BCAN: variants seen among roughly 807,000 people sequenced by gnomAD.
BCAN encodes the protein brevican.
BCAN carries 51 observed loss-of-function variants against 92.4 expected under a neutral mutation model. The observed-to-expected ratio is 0.55, with a 90% CI of 0.44 to 0.70. BCAN has a LOEUF of 0.70. Ranked by LOEUF, BCAN falls within the 30% of genes least tolerant of loss-of-function variation. The pLI, the probability that BCAN is intolerant of heterozygous loss-of-function variation, is 0.00. For missense variants in BCAN, 1,140 were observed against 1,212.1 expected, an observed-to-expected ratio of 0.94 and a Z score of 0.88; for synonymous variants, 501 against 505.2, an observed-to-expected ratio of 0.99 and a Z score of 0.11.
At position 156,657,029 on chromosome 1, in the gene BCAN, C is replaced by A; in HGVS notation, c.2142C>A (p.Thr714=). 1 of 1,614,196 alleles carries A rather than the reference C, an allele frequency of 6.2e-7. No individual in the cohort carries two copies. Among genetic ancestry groups the A allele is most frequent in the Non-Finnish European group, 8.5e-7 (1 of 1,180,006 alleles). The change falls in exon 10 of 14, where the codon ACC becomes ACA. Residue 714 remains threonine, a synonymous_variant. Transcript: ENST00000329117. ...STRRSWEEAE[T]QCRMYGAHLA... ...GAAGGAGCTGGGAGGAGGCAGAGACCCAGTGCCGGATGTACGGCGCGCATC... is the reference window on the plus strand; with the variant it reads ...GAAGGAGCTGGGAGGAGGCAGAGACACAGTGCCGGATGTACGGCGCGCATC...
chr1:156,646,224 A>T, intron 2 of BCAN, 79 bp downstream of exon 2: 14 of 1,381,480 alleles, frequency 1.0e-5, no homozygotes, highest in Non-Finnish European at 1.1e-5. Context: ...GGGCCCCAGG[A>T]AGAGAGAGAA....
chr1:156,658,004 C>A lies in BCAN; in HGVS notation c.2293-123C>A. 2 of 1,166,314 alleles carry A rather than the reference C, an allele frequency of 1.7e-6. No homozygotes were observed. Among genetic ancestry groups the A allele is most frequent in the South Asian group, 3.1e-5 (2 of 64,742 alleles). 72.2% of individuals were successfully genotyped at this position (1,166,314 alleles called of 1,614,324 possible). ...TTCCCCTTCCCCGGGAGATCCCCTA[C>A]CCCCTAGCCCTAACCTTCCCTCTCC... On this transcript the variant is annotated intron_variant, in intron 11 of 13. Coordinates refer to ENST00000329117, the MANE Select transcript of BCAN (RefSeq NM_021948.5). This position sits in a 1 kb window ranked among gnomAD's most constrained non-coding sequence, Gnocchi z 4.4.
chr1:156,659,048 G>A lies in BCAN; in HGVS notation c.2650G>A (p.Glu884Lys), dbSNP rs764771814. Residue 884 changes from glutamate to lysine, a missense_variant, in exon 14 of 14, where the codon GAG becomes AAG. Physicochemically the swap from Glu to Lys is moderately conservative, Grantham distance 56. Transcript: ENST00000329117. ...CCAGGCCCGAGCTCTGCACCCAGAG[G>A]AGGACCCAGAAGGACGTCAGGGGAG... is the stretch of plus-strand genomic sequence containing the variant. ...RRPARALHPEEDPEGRQGRLL... is the reference protein window; with the variant it reads ...RRPARALHPEKDPEGRQGRLL... The A allele has an allele frequency of 6.9e-6, 11 of 1,601,548 alleles. No homozygotes were observed. Among genetic ancestry groups the A allele is most frequent in the Admixed American group, 1.7e-5 (1 of 57,346 alleles).
At chr1:156,655,349 G>A (rs1485188736) in intron 8 of BCAN, among the ~76,000 whole-genome samples, 1 of 152,206 alleles carries the variant, frequency 6.6e-6, no homozygotes, top group Non-Finnish European at 1.5e-5. Context: ...AGACCTTCAG[G>A]GCAGTGTGTT....
In BCAN at chr1:156,646,806, C is replaced by A. The variant is rs1027264628; in HGVS notation, c.97C>A (p.Arg33Ser). 1 of 1,560,914 alleles carries A rather than the reference C, an allele frequency of 6.4e-7. No individual in the cohort carries two copies. Among genetic ancestry groups the A allele is most frequent in the Non-Finnish European group, 8.7e-7 (1 of 1,153,546 alleles). Residue 33 changes from arginine (R) to serine (S), a missense_variant, in exon 3 of 14, where the codon CGC (arginine) becomes AGC (serine). Transcript: ENST00000329117. ...CCGGCTCCACCCGTTCACAGAGGACCGCGCTTTTCGCGTGCGCATCGCGGG... is the reference window on the plus strand; with the variant it reads ...CCGGCTCCACCCGTTCACAGAGGACAGCGCTTTTCGCGTGCGCATCGCGGG... ...DVLEGDSSED[R>S]AFRVRIAGDA...
At position 156,652,335 on chromosome 1, in the gene BCAN, A is replaced by C. The variant is rs1170950464; in HGVS notation, c.1385A>C (p.Glu462Ala). The change falls in exon 8 of 14, where the codon GAA becomes GCA. Residue 462 changes from glutamate to alanine, a missense_variant. Glu to Ala is a moderately radical substitution (Grantham distance 107). Transcript: ENST00000329117. The stretch of plus-strand genomic sequence containing the variant: ...GAGGAAGAAGAGAAATATGAAGATG[A>C]AGAAGAGAAAGAGGAGGAAGAAGAA... Reference protein sequence around the residue: ...ALEEEEKYEDEEEKEEEEEEE... With the variant: ...ALEEEEKYEDAEEKEEEEEEE... 2 of 1,614,094 alleles carry C rather than the reference A, an allele frequency of 1.2e-6. No homozygotes were observed. Among genetic ancestry groups the C allele is most frequent in the Admixed American group, 1.7e-5 (1 of 60,026 alleles).
chr1:156,654,505 T>TCC (rs1175362577), intron 8 of BCAN, among the ~76,000 whole-genome samples: 18 of 152,184 alleles, frequency 1.2e-4, no homozygotes, highest in Admixed American at 8.5e-4. Context: ...GGGAAAACTT[T>TCC]CTGGTTGTGT....
chr1:156,645,795 A>T (rs944013489), intron 1 of BCAN, among the ~76,000 whole-genome samples: 1 of 152,172 alleles, frequency 6.6e-6, no homozygotes, highest in African/African-American at 2.4e-5. Flanking sequence ...TAAGTAAGAA[A>T]ATAAAGGCTC....
intron 1 of BCAN, among the ~76,000 whole-genome samples, chr1:156,645,178 C>G (rs531385465): frequency 2.6e-5 from 4 of 152,176 alleles, no homozygotes; most frequent in South Asian, 4.1e-4. Context: ...ATTCTCCCCC[C>G]CCTTAGTCCA....
At position 156,658,731 on chromosome 1, in the gene BCAN, C is replaced by A; in HGVS notation, c.2626C>A (p.Pro876Thr). 1 of 1,613,934 alleles carries A rather than the reference C, an allele frequency of 6.2e-7. No homozygotes were observed. Residue 876 changes from proline to threonine, a missense_variant and splice_region_variant, in exon 13 of 14, where the codon CCT (proline) becomes ACT (threonine). This residue lies in a region of BCAN where 825 missense variants were observed against 871.8 expected (regional missense o/e 0.95). Coordinates refer to ENST00000329117, the MANE Select transcript of BCAN (RefSeq NM_021948.5). The surrounding 1 kb of genome is among the most constrained non-coding windows in gnomAD (Gnocchi z 4.4). ...CCAGATCTCCTGTGTGCCCAGAAGACCTGTGAGTGCCAGGAAGAGGCAGGT... is the reference window on the plus strand; with the variant it reads ...CCAGATCTCCTGTGTGCCCAGAAGAACTGTGAGTGCCAGGAAGAGGCAGGT... ...APQISCVPRR[P>T]ARALHPEEDP...
At chr1:156,656,887 C>G (rs749442182) in intron 9 of BCAN, 51 bp from the exon 10 acceptor site, 2 of 1,594,336 alleles carry the variant, frequency 1.3e-6, no homozygotes, top group Non-Finnish European at 1.7e-6. Context: ...TCCAGGGGAC[C>G]TGGCCCTCTG....
In BCAN at chr1:156,648,645, G is replaced by A. The variant is rs368547815; in HGVS notation, c.847G>A (p.Glu283Lys). Residue 283 changes from glutamate (E) to lysine (K), a missense_variant, in exon 6 of 14, where the codon GAG (glutamate) becomes AAG (lysine). Around this residue, in one of 3 missense-constraint regions of BCAN, gnomAD observed 825 missense variants for 871.8 expected, o/e 0.95. Coordinates refer to ENST00000329117, the MANE Select transcript of BCAN (RefSeq NM_021948.5). ...ARAYCQERGA[E>K]IATTGQLYAA... ...GGCGTACTGCCAGGAGCGGGGTGCA[G>A]AGATTGCCACCACGGGCCAACTGTA... 1 of 1,613,112 alleles carries A rather than the reference G, an allele frequency of 6.2e-7. No homozygotes were observed.
chr1:156,644,183 T>C (rs1442574462), intron 1 of BCAN: 2 of 152,308 alleles, frequency 1.3e-5, no homozygotes, highest in Non-Finnish European at 2.9e-5. Flanking sequence ...TAGGTCCTCA[T>C]TGGCCTTAGG....
chr1:156,656,626 C>T (rs1296316416), intron 9 of BCAN: 4 of 478,362 alleles, frequency 8.4e-6, no homozygotes, highest in Non-Finnish European at 1.5e-5. Context: ...GGCATTTAAT[C>T]GGTGGTCAAT....
chr1:156,646,653 C>T, intron 2 of BCAN, 148 bp from the exon 3 acceptor site: 1 of 577,386 alleles, frequency 1.7e-6, no homozygotes, highest in Non-Finnish European at 2.3e-6. Context: ...CTGCAGGACC[C>T]TGGCCCCTGG....
chr1:156,649,820 G>T (rs186564250), intron 6 of BCAN: 1 of 515,674 alleles, frequency 1.9e-6, no homozygotes, highest in East Asian at 5.5e-5. Flanking sequence ...GCGGTGTCTC[G>T]GTCCTTCCCC....
intron 8 of BCAN, chr1:156,653,307 ATC>A (rs1400556089): frequency 5.7e-5 from 61 of 1,077,348 alleles, no homozygotes; most frequent in Non-Finnish European, 6.5e-5. Context: ...CCTCCTATTG[ATC>A]TCAGGGAAGC....
chr1:156,650,884 A>G (rs1211328558), intron 6 of BCAN, among the ~76,000 whole-genome samples: 1 of 152,226 alleles, frequency 6.6e-6, no homozygotes, highest in Non-Finnish European at 1.5e-5. Flanking sequence ...CGAAGGTTGC[A>G]ATGAGCTGGG....
At chr1:156,645,449 G>T (rs765743130) in intron 1 of BCAN, among the ~76,000 whole-genome samples, 2 of 152,128 alleles carry the variant, frequency 1.3e-5, no homozygotes, top group African/African-American at 4.8e-5. Context: ...GGAGAGGGTG[G>T]GCTCAGGAGA....
Sources: gnomAD v4.1 joint callset for allele counts (sites outside exome capture counted in the v4.1 genomes callset) on GRCh38, gnomAD v4.1.1 for gene constraint, gnomAD v4.1.1 regional missense constraint, Gnocchi (gnomAD v3.1) non-coding constraint, MANE v1.5 for transcripts, NCBI Gene and HGNC (gene_info 2026-07-23, HGNC 2026-07-21) for gene names.